The following KCNQ1 variants were observed in gnomAD, a reference collection of about 807,000 sequenced individuals.
KCNQ1 encodes potassium voltage-gated channel subfamily KQT member 1.
Under a neutral mutation model 72.4 loss-of-function variants are expected in KCNQ1, and 49 were observed. The ratio of observed to expected loss-of-function variants is 0.68; its 90% CI spans 0.54 to 0.86. The LOEUF is 0.86. Among genes scored for constraint, KCNQ1 ranks in the 40% least tolerant of loss-of-function variants. The pLI, the probability that KCNQ1 is intolerant of heterozygous loss-of-function variation, is 0.00. For missense variants in KCNQ1, 790 were observed against 945.1 expected (o/e 0.84, Z 2.15); for synonymous variants, 450 against 412.6 (o/e 1.09, Z -1.10).
chr11:2,634,579 T>C (rs1274939625), intron 10 of KCNQ1: 1 of 152,192 alleles, frequency 6.6e-6, no homozygotes, highest in Non-Finnish European at 1.5e-5. Flanking sequence ...CAGTCTATCA[T>C]TGATGGACAT....
At chr11:2,649,711 T>G in intron 10 of KCNQ1, 1 of 398,594 alleles carries the variant, frequency 2.5e-6, no homozygotes, top group Non-Finnish European at 4.4e-6. Context: ...TTCATGCTTC[T>G]CTCTTGTTTT....
chr11:2,573,641 G>A (rs1416133906), intron 6 of KCNQ1, among the ~76,000 whole-genome samples: 2 of 152,192 alleles, frequency 1.3e-5, no homozygotes, highest in Non-Finnish European at 2.9e-5. Flanking sequence ...GCCCCTGGCT[G>A]TGAAGGTGGG....
Position 2,458,397 on chromosome 11 carries a change from G to T in KCNQ1, c.386+12913G>T, listed in dbSNP as rs563231695. Among the ~76,000 whole-genome samples, 13 of 152,224 alleles carry T rather than the reference G, an allele frequency of 8.5e-5. No individual in the cohort carries two copies. The highest frequency in any genetic ancestry group is 3.1e-4 in the African/African-American group (13 of 41,458). On this transcript the variant is annotated intron_variant, in intron 1 of 15. Coordinates refer to ENST00000155840, the MANE Select transcript of KCNQ1 (RefSeq NM_000218.3). The surrounding 1 kb of genome is among the most constrained non-coding windows in gnomAD (Gnocchi z 4.6). ...CGGAGAGAATCTGACATGTGTCCCA[G>T]TCGTGATTAACCTGTGAACTGTAAC...
intron 1 of KCNQ1, among the ~76,000 whole-genome samples, chr11:2,448,685 T>C (rs12287029): frequency 0.2 from 30,563 of 152,222 alleles, 5,411 homozygotes; most frequent in African/African-American, 0.48. Flanking sequence ...CTTTAAGATC[T>C]GTCCACCCAC....
chr11:2,687,436 A>G lies in KCNQ1; in HGVS notation c.1514+25355A>G, dbSNP rs1001268813. ...GGCACCTGTGTCCACCCAGCTGTCC[A>G]TACAGATCCCTGCCTGCACAAGAGC... is the stretch of plus-strand genomic sequence containing the variant. On this transcript the variant is annotated intron_variant, in intron 11 of 15. Transcript: ENST00000155840. The surrounding 1 kb of genome is among the most constrained non-coding windows in gnomAD (Gnocchi z 5.0). The G allele has an allele frequency of 2.5e-6, 1 of 398,772 alleles. No homozygotes were observed. Among genetic ancestry groups the G allele is most frequent in the Non-Finnish European group, 4.4e-6 (1 of 226,214 alleles). 24.7% of individuals were successfully genotyped at this position (398,772 alleles called of 1,614,324 possible). A position where few individuals can be genotyped will look rare whatever the true frequency, so the allele number is the denominator to read the frequency against.
chr11:2,663,105 G>GCTAT lies in KCNQ1; in HGVS notation c.1514+1027_1514+1030dup. 1 of 398,668 alleles carries GCTAT rather than the reference G, an allele frequency of 2.5e-6. No homozygotes were observed. The allele number at this position is 398,668 out of a possible 1,614,324, so 24.7% of individuals were successfully genotyped here. A position where few individuals can be genotyped will look rare whatever the true frequency, so the allele number is the denominator to read the frequency against. On this transcript the variant is annotated intron_variant, in intron 11 of 15. Coordinates refer to ENST00000155840, the MANE Select transcript of KCNQ1 (RefSeq NM_000218.3). The surrounding 1 kb of genome is among the most constrained non-coding windows in gnomAD (Gnocchi z 5.2). ...TGAGGCCACCTCCAGGGAAGGAGTGGCTATCTTAAGGGGTAATTATGATCA... is the reference window on the plus strand; with the variant it reads ...TGAGGCCACCTCCAGGGAAGGAGTGGCTATCTATCTTAAGGGGTAATTATGATCA...
intron 1 of KCNQ1, among the ~76,000 whole-genome samples, chr11:2,487,391 G>T (rs1846757609): frequency 1.3e-5 from 2 of 152,118 alleles, no homozygotes; most frequent in Non-Finnish European, 2.9e-5. Context: ...TTTAGGATGG[G>T]TTTTTCTATT....
intron 1 of KCNQ1, among the ~76,000 whole-genome samples, chr11:2,476,800 C>G (rs544879837): frequency 2.6e-5 from 4 of 152,328 alleles, no homozygotes; most frequent in South Asian, 2.1e-4. Context: ...GCTCCTCCCC[C>G]CTCAGCCTCC....
intron 15 of KCNQ1, among the ~76,000 whole-genome samples, chr11:2,814,513 G>A (rs1472007461): frequency 6.7e-6 from 1 of 149,070 alleles, no homozygotes; most frequent in Admixed American, 6.6e-5. Flanking sequence ...GGAAGGGAAG[G>A]CTGGATAAAG....
rs1297633229 is a variant in KCNQ1 at position 2,498,555 on chromosome 11, AG to A, written c.387-29371del. ...TCCCGCCACCAAGCTTGAGCATCCC[AG>A]GTCAACTTCAGACTGCTGTGCTGGC... On this transcript the variant is annotated intron_variant, in intron 1 of 15. Transcript: ENST00000155840. This position sits in a 1 kb window ranked among gnomAD's most constrained non-coding sequence, Gnocchi z 4.8. Among the ~76,000 whole-genome samples, 4 of 152,194 alleles carry A rather than the reference AG, an allele frequency of 2.6e-5. No individual in the cohort carries two copies. The highest frequency in any genetic ancestry group is 4.8e-5 in the African/African-American group (2 of 41,456).
At chr11:2,837,048 C>T (rs1441103422) in intron 15 of KCNQ1, among the ~76,000 whole-genome samples, 1 of 152,152 alleles carries the variant, frequency 6.6e-6, no homozygotes, top group African/African-American at 2.4e-5. Flanking sequence ...GGGCTGGGGG[C>T]ACGGGGCATG....
chr11:2,558,629 C>T (rs372830767), intron 2 of KCNQ1, among the ~76,000 whole-genome samples: 98 of 152,344 alleles, frequency 6.4e-4, no homozygotes, highest in African/African-American at 2.1e-3. Flanking sequence ...GGCCGCGCTT[C>T]GGGAACCCCC....
At chr11:2,456,772 A>T (rs1330596615) in intron 1 of KCNQ1, among the ~76,000 whole-genome samples, 1 of 107,002 alleles carries the variant, frequency 9.3e-6, no homozygotes, top group Admixed American at 1.1e-4. Context: ...ATCCAAAAAA[A>T]AAAAAAAAAA....
At chr11:2,534,564 C>T (rs960136463) in intron 2 of KCNQ1, among the ~76,000 whole-genome samples, 1 of 152,244 alleles carries the variant, frequency 6.6e-6, no homozygotes, top group African/African-American at 2.4e-5. Flanking sequence ...CCCCGTCCTG[C>T]ACACTTGCTT....
intron 15 of KCNQ1, among the ~76,000 whole-genome samples, chr11:2,797,499 A>G (rs866292367): frequency 2.2e-4 from 33 of 151,502 alleles, no homozygotes; most frequent in African/African-American, 7.3e-4. Context: ...AACCCCGCAG[A>G]CTCCCGTGGC....
chr11:2,837,590 C>T (rs532315941), intron 15 of KCNQ1, among the ~76,000 whole-genome samples: 1 of 152,354 alleles, frequency 6.6e-6, no homozygotes, highest in South Asian at 2.1e-4. Context: ...AAGCACACAC[C>T]ACCAGCAGGA....
Position 2,679,661 on chromosome 11 carries a change from T to C in KCNQ1, c.1514+17580T>C. The C allele has an allele frequency of 2.5e-6, 1 of 398,602 alleles. No homozygotes were observed. Among genetic ancestry groups the C allele is most frequent in the Non-Finnish European group, 4.4e-6 (1 of 226,060 alleles). The allele number at this position is 398,602 out of a possible 1,614,324, so 24.7% of individuals were successfully genotyped here. On this transcript the variant is annotated intron_variant, in intron 11 of 15. Transcript: ENST00000155840. This position sits in a 1 kb window ranked among gnomAD's most constrained non-coding sequence, Gnocchi z 4.8. The stretch of plus-strand genomic sequence containing the variant: ...ATACAAGTGCATCCTCATAAGATTA[T>C]TTAGGATGCATAGGATCCCAGATTA...
chr11:2,668,266 A>G lies in KCNQ1; in HGVS notation c.1514+6185A>G, dbSNP rs1850119120. ...TTCTGGTGTAGGTTGCTGTTTAAGA[A>G]TATTCTGTACATGCTTTTGGTGAGC... On this transcript the variant is annotated intron_variant, in intron 11 of 15. Transcript: ENST00000155840. This position sits in a 1 kb window ranked among gnomAD's most constrained non-coding sequence, Gnocchi z 4.3. 2.5e-6 allele frequency: 1 copy of G among 398,610 alleles called. No individual in the cohort carries two copies. Among genetic ancestry groups the G allele is most frequent in the Non-Finnish European group, 4.4e-6 (1 of 226,102 alleles). The allele number at this position is 398,610 out of a possible 1,614,324, so 24.7% of individuals were successfully genotyped here. A position where few individuals can be genotyped will look rare whatever the true frequency, so the allele number is the denominator to read the frequency against.
At position 2,660,569 on chromosome 11, in the gene KCNQ1, C is replaced by T. The variant is rs774065083; in HGVS notation, c.1394-1392C>T. 377 of 398,424 alleles carry T rather than the reference C, an allele frequency of 9.5e-4. 1 individual carries two copies. The highest frequency in any genetic ancestry group is 1.9e-3 in the Middle Eastern group (3 of 1,610). 24.7% of individuals were successfully genotyped at this position (398,424 alleles called of 1,614,324 possible). A position where few individuals can be genotyped will look rare whatever the true frequency, so the allele number is the denominator to read the frequency against. On this transcript the variant is annotated intron_variant, in intron 10 of 15. Coordinates refer to ENST00000155840, the MANE Select transcript of KCNQ1 (RefSeq NM_000218.3). ...GTGATAAGCAAAAGTGAGCAAAGGA[C>T]ATGAACAGGCAATTCTGCAAGAGGA...
Sources: gnomAD v4.1 joint callset for allele counts (sites outside exome capture counted in the v4.1 genomes callset) on GRCh38, gnomAD v4.1.1 for gene constraint, Gnocchi (gnomAD v3.1) non-coding constraint, MANE v1.5 for transcripts, NCBI Gene and HGNC (gene_info 2026-07-23, HGNC 2026-07-21) for gene names.